B4GALT5: variants seen among roughly 807,000 people sequenced by gnomAD.
B4GALT5 encodes beta-1,4-galactosyltransferase 5.
B4GALT5 carries 11 observed loss-of-function variants against 45.0 expected under a neutral mutation model. The ratio of observed to expected loss-of-function variants is 0.24; its 90% CI spans 0.15 to 0.40. The LOEUF (loss-of-function observed/expected upper bound fraction) is 0.40. Among genes scored for constraint, B4GALT5 ranks in the 10% least tolerant of loss-of-function variants. B4GALT5 has a pLI of 1.00. For missense variants in B4GALT5, 337 were observed against 500.2 expected, an observed-to-expected ratio of 0.67 and a Z score of 3.11; for synonymous variants, 185 against 182.9, an observed-to-expected ratio of 1.01 and a Z score of -0.09.
At chr20:49,704,655 C>G in intron 1 of B4GALT5, among the ~76,000 whole-genome samples, 1 of 149,810 alleles carries the variant, frequency 6.7e-6, no homozygotes, top group Non-Finnish European at 1.5e-5. Flanking sequence ...GGAGGCGGAG[C>G]TTGCAGTGAG....
chr20:49,681,023 C>T (rs1170097578), intron 1 of B4GALT5, among the ~76,000 whole-genome samples: 4 of 151,914 alleles, frequency 2.6e-5, no homozygotes, highest in African/African-American at 9.7e-5. Context: ...GAGTTTGAGA[C>T]CAGCCTGGGA....
At chr20:49,677,291 C>G (rs1461462930) in intron 1 of B4GALT5, among the ~76,000 whole-genome samples, 1 of 152,066 alleles carries the variant, frequency 6.6e-6, no homozygotes, top group Non-Finnish European at 1.5e-5. Context: ...AGAAACTAAG[C>G]CTAACAAGGT....
intron 1 of B4GALT5, among the ~76,000 whole-genome samples, chr20:49,682,846 A>G (rs1292520253): frequency 1.3e-5 from 2 of 152,148 alleles, no homozygotes; most frequent in African/African-American, 4.8e-5. Context: ...CAATCCTAAC[A>G]CTTCAGGAGG....
At chr20:49,656,237 A>T (rs1209024402) in intron 2 of B4GALT5, among the ~76,000 whole-genome samples, 3 of 152,086 alleles carry the variant, frequency 2.0e-5, no homozygotes, top group Non-Finnish European at 2.9e-5. Context: ...TTCCACCAAG[A>T]GTGGAAGCAG....
intron 1 of B4GALT5, among the ~76,000 whole-genome samples, chr20:49,699,551 AG>A (rs770154623): frequency 7.2e-5 from 11 of 152,192 alleles, no homozygotes; most frequent in Non-Finnish European, 1.6e-4. Flanking sequence ...CTGAAACTGC[AG>A]GTAGTACCAG....
chr20:49,636,859 A>T (rs902453983), intron 8 of B4GALT5, among the ~76,000 whole-genome samples: 1 of 151,746 alleles, frequency 6.6e-6, no homozygotes, highest in Non-Finnish European at 1.5e-5. Flanking sequence ...GAATTTCAGC[A>T]ATTAGAATTG....
intron 1 of B4GALT5, among the ~76,000 whole-genome samples, chr20:49,703,807 C>T (rs1016293166): frequency 6.6e-5 from 10 of 151,500 alleles, no homozygotes; most frequent in East Asian, 1.9e-4. Context: ...CAGTATCACA[C>T]GAACCCAGGA....
At chr20:49,650,906 T>A (rs904903386) in intron 2 of B4GALT5, among the ~76,000 whole-genome samples, 1 of 152,056 alleles carries the variant, frequency 6.6e-6, no homozygotes, top group Non-Finnish European at 1.5e-5. Flanking sequence ...GTTGAATTTC[T>A]ACAGCCACAG....
At chr20:49,638,023 A>AT (rs11386089) in intron 7 of B4GALT5, among the ~76,000 whole-genome samples, 115,262 of 149,028 alleles carry the variant, frequency 0.77, 44,516 homozygotes, top group Middle Eastern at 0.87. Flanking sequence ...GTATCATCTA[A>AT]TTTTTTTTTT....
intron 1 of B4GALT5, among the ~76,000 whole-genome samples, chr20:49,711,629 T>A (rs972810896): frequency 3.3e-5 from 5 of 152,220 alleles, no homozygotes; most frequent in African/African-American, 1.2e-4. Context: ...ATTCCACTAA[T>A]TAGTTATCTC....
At chr20:49,705,094 G>A (rs2085878720) in intron 1 of B4GALT5, among the ~76,000 whole-genome samples, 1 of 152,126 alleles carries the variant, frequency 6.6e-6, no homozygotes, top group Non-Finnish European at 1.5e-5. Context: ...GCAACCAGCA[G>A]GAGCTGGAAT....
intron 6 of B4GALT5, 110 bp from the exon 7 acceptor site, chr20:49,639,910 A>G: frequency 1.4e-6 from 2 of 1,414,730 alleles, no homozygotes; most frequent in Non-Finnish European, 1.9e-6. Context: ...TCCTGACCTG[A>G]ACCATATGAA....
chr20:49,646,568 G>C (rs1181751936), intron 3 of B4GALT5, among the ~76,000 whole-genome samples: 3 of 152,128 alleles, frequency 2.0e-5, no homozygotes, highest in Non-Finnish European at 4.4e-5. Flanking sequence ...GGGTGTCGCA[G>C]GCTACACCAT....
At position 49,636,052 on chromosome 20, in the gene B4GALT5, G is replaced by A. The variant is rs2085552090; in HGVS notation, c.*260C>T. ...GGGTAGGAGATGGGGAGAGAGCAGC[G>A]GGACAGACGTCTGTCTTGTGAAAAC... On this transcript the variant is annotated 3_prime_UTR_variant, in exon 9 of 9. Coordinates refer to ENST00000371711, the MANE Select transcript of B4GALT5 (RefSeq NM_004776.4). 6.6e-6 allele frequency: 3 copies of A among 457,480 alleles called. No homozygotes were observed. Among genetic ancestry groups the A allele is most frequent in the South Asian group, 2.2e-5 (1 of 44,658 alleles). The allele number at this position is 457,480 out of a possible 1,614,324, so 28.3% of individuals were successfully genotyped here. A position where few individuals can be genotyped will look rare whatever the true frequency, so the allele number is the denominator to read the frequency against.
chr20:49,648,200 T>G (rs1266138903), intron 2 of B4GALT5, among the ~76,000 whole-genome samples: 1 of 152,162 alleles, frequency 6.6e-6, no homozygotes, highest in Non-Finnish European at 1.5e-5. Context: ...TCCAGAGAAA[T>G]CCACTCGAAT....
chr20:49,695,503 C>T (rs1189018914), intron 1 of B4GALT5, among the ~76,000 whole-genome samples: 3 of 152,114 alleles, frequency 2.0e-5, no homozygotes, highest in African/African-American at 7.2e-5. Context: ...CCTCCACCTC[C>T]CGGGTTCAAG....
intron 2 of B4GALT5, among the ~76,000 whole-genome samples, chr20:49,654,817 C>A (rs140451985): frequency 1.1e-4 from 17 of 152,168 alleles, no homozygotes; most frequent in Admixed American, 1.3e-4. Context: ...CATTAAGAAG[C>A]CATAGGAGGC....
chr20:49,681,367 C>T (rs2085763512), intron 1 of B4GALT5, among the ~76,000 whole-genome samples: 1 of 151,970 alleles, frequency 6.6e-6, no homozygotes, highest in South Asian at 2.1e-4. Context: ...AATCCACACT[C>T]CCAAAGTGAC....
chr20:49,660,594 ATCTT>A lies in B4GALT5; in HGVS notation c.116-3896_116-3893del, dbSNP rs1412130660. Among the ~76,000 whole-genome samples the A allele has an allele frequency of 4.6e-5, 7 of 152,168 alleles. No individual in the cohort carries two copies. The East Asian group carries it at 1.3e-3, about 29-fold the overall frequency. ...GCTTGCTAGAAGCAAAATCCCCTTA[ATCTT>A]TTTAGAGATGCTAAATTGCCCTTCT... On this transcript the variant is annotated intron_variant, in intron 1 of 8. Transcript: ENST00000371711.
Sources: gnomAD v4.1 joint callset for allele counts (sites outside exome capture counted in the v4.1 genomes callset) on GRCh38, gnomAD v4.1.1 for gene constraint, MANE v1.5 for transcripts, NCBI Gene and HGNC (gene_info 2026-07-23, HGNC 2026-07-21) for gene names.